NDUFC1: variants seen among roughly 807,000 people sequenced by gnomAD.
NDUFC1 encodes NADH:ubiquinone oxidoreductase subunit C1, also known as NADH dehydrogenase [ubiquinone] 1 subunit C1, mitochondrial.
Under a neutral mutation model 11.6 loss-of-function variants are expected in NDUFC1, and 11 were observed. The ratio of observed to expected loss-of-function variants is 0.95; its 90% CI spans 0.60 to 1.58. The LOEUF is 1.58. NDUFC1 is among the 40% of genes most tolerant of loss of function. The pLI is 0.00. For synonymous variants in NDUFC1, 52 were observed against 42.2 expected (o/e 1.23, Z -0.90); for missense variants, 112 against 93.0 (o/e 1.20, Z -0.84).
chr4:139,299,786 A>G (rs953294114), intron 1 of NDUFC1, among the ~76,000 whole-genome samples: 1 of 152,202 alleles, frequency 6.6e-6, no homozygotes, highest in African/African-American at 2.4e-5. Flanking sequence ...GCCAAACTCT[A>G]TTTCTGGCTC....
Position 139,292,629 on chromosome 4 carries a change from TA to T in NDUFC1, c.172-21del, listed in dbSNP as rs1487532810. On this transcript the variant is annotated intron_variant, in intron 4 of 5. Coordinates refer to ENST00000394223, the MANE Select transcript of NDUFC1 (RefSeq NM_001184989.2). ...GATGAGCTACAAAGAGTTAAACAGT[TA>T]AAATTAGAAATGTAATCTTCCTGGA... The T allele has an allele frequency of 6.9e-7, 1 of 1,440,838 alleles. No homozygotes were observed. The highest frequency in any genetic ancestry group is 1.4e-5 in the African/African-American group (1 of 70,460). 89.3% of individuals were successfully genotyped at this position (1,440,838 alleles called of 1,614,324 possible). A position where few individuals can be genotyped will look rare whatever the true frequency, so the allele number is the denominator to read the frequency against.
intron 4 of NDUFC1, among the ~76,000 whole-genome samples, chr4:139,293,930 A>ATTTTTTTTTTTTT (rs775805536): frequency 8.6e-5 from 6 of 69,746 alleles, no homozygotes; most frequent in African/African-American, 3.8e-4. Context: ...TGTGGTGTGA[A>ATTTTTTTTTTTTT]TTTTTTTTTT....
chr4:139,292,761 A>G, intron 4 of NDUFC1, 152 bp from the exon 5 acceptor site: 1 of 363,830 alleles, frequency 2.7e-6, no homozygotes, highest in Non-Finnish European at 4.9e-6. Context: ...AATGGTATAA[A>G]CTTGCTCACC....
intron 1 of NDUFC1, chr4:139,301,928 GCCCGGGA>G: frequency 7.6e-7 from 1 of 1,320,078 alleles, no homozygotes; most frequent in South Asian, 1.4e-5. Context: ...AGCCACTCCC[GCCCGGGA>G]CCCCGCCTTC....
chr4:139,300,964 C>G (rs1745691236), intron 1 of NDUFC1: 2 of 152,240 alleles, frequency 1.3e-5, no homozygotes, highest in South Asian at 4.1e-4. Flanking sequence ...ACCAAATTAC[C>G]GATACGACAG....
At position 139,292,560 on chromosome 4, in the gene NDUFC1, C is replaced by T. The variant is rs781664915; in HGVS notation, c.221G>A (p.Gly74Glu). Residue 74 changes from glycine (G) to glutamate (E), a missense_variant, in exon 5 of 6, where the codon GGG (glycine) becomes GAG (glutamate). Transcript: ENST00000394223. ...TAGTGTTTCAAAAGTTTATTCCAGC[C>T]CATTTCTTCTTTTGTACTCTAAAAT... ...EDILEYKRRNGLE is the reference protein window; with the variant it reads ...EDILEYKRRNELE The T allele has an allele frequency of 4.5e-6, 7 of 1,557,268 alleles. No homozygotes were observed. Among genetic ancestry groups the T allele is most frequent in the African/African-American group, 1.4e-5 (1 of 73,412 alleles).
chr4:139,295,833 A>G lies in NDUFC1; in HGVS notation c.-35T>C. ...CCCAGCTCAGTCTCTCCGAGTTGGC[A>G]ACAGAACCAGCGCCACCTGGCGGCC... On this transcript the variant is annotated 5_prime_UTR_variant, in exon 3 of 6. Coordinates refer to ENST00000394223, the MANE Select transcript of NDUFC1 (RefSeq NM_001184989.2). 1.9e-6 allele frequency: 3 copies of G among 1,539,348 alleles called. No homozygotes were observed. Among genetic ancestry groups the G allele is most frequent in the Non-Finnish European group, 2.6e-6 (3 of 1,142,102 alleles).
intron 1 of NDUFC1, among the ~76,000 whole-genome samples, chr4:139,298,438 CAAAAAAAA>C (rs147060181): frequency 2.4e-5 from 2 of 84,342 alleles, no homozygotes; most frequent in South Asian, 4.1e-4. Flanking sequence ...AACTCTGTCT[CAAAAAAAA>C]AAAAAAAAAA....
In NDUFC1 at chr4:139,295,898, G is replaced by A. The variant is rs1745451078; in HGVS notation, c.-100C>T. ...CGAGGGCTCTGCAGCAGAGCTCCGT[G>A]GGGGCGTCAACGTGAATTCCAGCAC... On this transcript the variant is annotated 5_prime_UTR_variant, in exon 3 of 6. Transcript: ENST00000394223. The A allele has an allele frequency of 8.0e-7, 1 of 1,244,840 alleles. No homozygotes were observed. The highest frequency in any genetic ancestry group is 1.1e-6 in the Non-Finnish European group (1 of 902,086). 77.1% of individuals were successfully genotyped at this position (1,244,840 alleles called of 1,614,324 possible).
intron 3 of NDUFC1, 67 bp downstream of exon 3, chr4:139,295,665 T>C: frequency 6.7e-7 from 1 of 1,490,428 alleles, no homozygotes; most frequent in Non-Finnish European, 9.0e-7. Flanking sequence ...CCTGCACCCG[T>C]GGGCTGGGTC....
chr4:139,296,977 C>A (rs528831473), intron 2 of NDUFC1, among the ~76,000 whole-genome samples: 2 of 152,280 alleles, frequency 1.3e-5, no homozygotes, highest in East Asian at 3.9e-4. Context: ...TTTTCTGGCT[C>A]ATTTTAACAT....
Position 139,289,935 on chromosome 4 carries a change from T to C in NDUFC1, c.*178A>G, listed in dbSNP as rs1745143877. 5 of 152,246 alleles carry C rather than the reference T, an allele frequency of 3.3e-5. No individual in the cohort carries two copies. The South Asian group carries it at 8.3e-4, about 25-fold the overall frequency. The allele number at this position is 152,246 out of a possible 1,614,324, so 9.4% of individuals were successfully genotyped here. On this transcript the variant is annotated 3_prime_UTR_variant, in exon 6 of 6. Transcript: ENST00000394223. Reference sequence around the variant, plus strand: ...CTACAAGTTGTCACAATATGCTTTATCTGAAGAATACAGAAGTATTTTTAT... The same window carrying C: ...CTACAAGTTGTCACAATATGCTTTACCTGAAGAATACAGAAGTATTTTTAT...
At chr4:139,294,950 C>A (rs1268053990) in intron 4 of NDUFC1, 93 bp downstream of exon 4, 3 of 881,948 alleles carry the variant, frequency 3.4e-6, no homozygotes, top group African/African-American at 3.3e-5. Flanking sequence ...CACTGCCATA[C>A]AACATATAAC....
chr4:139,297,283 T>C (rs376926590), intron 2 of NDUFC1, 102 bp downstream of exon 2: 34 of 152,238 alleles, frequency 2.2e-4, no homozygotes, highest in African/African-American at 7.0e-4. Context: ...AGTACTGCTA[T>C]TGAGAAAGAC....
intron 5 of NDUFC1, among the ~76,000 whole-genome samples, chr4:139,290,644 A>G (rs2091832946): frequency 6.6e-6 from 1 of 152,054 alleles, no homozygotes; most frequent in Non-Finnish European, 1.5e-5. Context: ...ATGAAAGCTG[A>G]GATTTTTAAG....
intron 5 of NDUFC1, among the ~76,000 whole-genome samples, chr4:139,291,830 T>G (rs930067046): frequency 6.6e-6 from 1 of 152,068 alleles, no homozygotes; most frequent in African/African-American, 2.4e-5. Flanking sequence ...TAATATGATT[T>G]TGGGTTCATT....
At chr4:139,293,790 C>T (rs908548101) in intron 4 of NDUFC1, among the ~76,000 whole-genome samples, 5 of 152,114 alleles carry the variant, frequency 3.3e-5, no homozygotes, top group Non-Finnish European at 5.9e-5. Context: ...GATAGTGTGG[C>T]CTCTGAAGTC....
At chr4:139,291,604 C>T (rs1204520545) in intron 5 of NDUFC1, among the ~76,000 whole-genome samples, 1 of 152,040 alleles carries the variant, frequency 6.6e-6, no homozygotes, top group Non-Finnish European at 1.5e-5. Context: ...TGCCGTTATA[C>T]ATTCATCACT....
chr4:139,296,908 A>G (rs1382429201), intron 2 of NDUFC1, among the ~76,000 whole-genome samples: 1 of 152,226 alleles, frequency 6.6e-6, no homozygotes, highest in Non-Finnish European at 1.5e-5. Flanking sequence ...TAGCAATGTT[A>G]TTTTAAGATC....
Sources: gnomAD v4.1 joint callset for allele counts (sites outside exome capture counted in the v4.1 genomes callset) on GRCh38, gnomAD v4.1.1 for gene constraint, MANE v1.5 for transcripts, NCBI Gene and HGNC (gene_info 2026-07-23, HGNC 2026-07-21) for gene names.